Variants in CACNA1C observed in about 807,000 individuals in gnomAD.
CACNA1C encodes the protein voltage-dependent L-type calcium channel subunit alpha-1C.
Under a neutral mutation model 229.0 loss-of-function variants are expected in CACNA1C, and 30 were observed. The ratio of observed to expected loss-of-function variants is 0.13; its 90% CI spans 0.10 to 0.18. CACNA1C has a LOEUF of 0.18. Ranked by LOEUF, CACNA1C falls within the 10% of genes least tolerant of loss-of-function variation. The pLI is 1.00. For missense variants in CACNA1C, 1,658 were observed against 2,845.0 expected, an observed-to-expected ratio of 0.58 and a Z score of 9.49; for synonymous variants, 1,114 against 1,132.5, an observed-to-expected ratio of 0.98 and a Z score of 0.33.
intron 3 of CACNA1C, among the ~76,000 whole-genome samples, chr12:2,197,769 C>T (rs576288665): frequency 2.6e-5 from 4 of 152,256 alleles, no homozygotes; most frequent in East Asian, 1.9e-4. Context: ...ACCAGTAACA[C>T]CAAACTGAAA....
chr12:2,501,730 GTGTGGTTTCCT>G lies in CACNA1C; in HGVS notation c.1114-3110_1114-3100del, dbSNP rs1277068256. Among the ~76,000 whole-genome samples, 3 of 152,312 alleles carry G rather than the reference GTGTGGTTTCCT, an allele frequency of 2.0e-5. No homozygotes were observed. The East Asian group carries it at 5.8e-4, about 29-fold the overall frequency. ...TTTCTTCTCCTGGTGCTGAAGTCTG[GTGTGGTTTCCT>G]TTGCACTGTTGGTTCAGACAGTTAC... On this transcript the variant is annotated intron_variant, in intron 7 of 46. Coordinates refer to ENST00000399655, the MANE Select transcript of CACNA1C (RefSeq NM_000719.7).
At chr12:2,536,396 C>T (rs2099855383) in intron 9 of CACNA1C, among the ~76,000 whole-genome samples, 2 of 152,090 alleles carry the variant, frequency 1.3e-5, no homozygotes, top group Non-Finnish European at 2.9e-5. Flanking sequence ...CCTGGCCTCT[C>T]CGTGATGTGC....
At chr12:2,459,803 A>T (rs545949603) in intron 5 of CACNA1C, among the ~76,000 whole-genome samples, 1 of 152,340 alleles carries the variant, frequency 6.6e-6, no homozygotes, top group African/African-American at 2.4e-5. Context: ...TCCAGATGCC[A>T]GCCAACCAAG....
chr12:2,586,201 A>G (rs910172047), intron 18 of CACNA1C, among the ~76,000 whole-genome samples: 5 of 152,154 alleles, frequency 3.3e-5, no homozygotes, highest in Non-Finnish European at 7.4e-5. Flanking sequence ...TTGTAAAATC[A>G]TCATTAATTT....
At chr12:2,384,205 C>G (rs1308235979) in intron 3 of CACNA1C, among the ~76,000 whole-genome samples, 1 of 152,220 alleles carries the variant, frequency 6.6e-6, no homozygotes, top group Non-Finnish European at 1.5e-5. Flanking sequence ...TGCTCCTTGG[C>G]GGAGAATCGC....
chr12:2,459,167 GT>G (rs1567810205), intron 5 of CACNA1C, among the ~76,000 whole-genome samples: 6 of 100,166 alleles, frequency 6.0e-5, no homozygotes, highest in African/African-American at 1.8e-4. Flanking sequence ...TTTTTTGTGT[GT>G]GTTTTTTTTT....
chr12:2,574,648 G>A (rs939529140), intron 13 of CACNA1C, among the ~76,000 whole-genome samples: 2 of 152,186 alleles, frequency 1.3e-5, no homozygotes, highest in African/African-American at 4.8e-5. Context: ...TCCCAGGCTC[G>A]AAATGTCTCC....
At chr12:2,590,704 T>A (rs981884999) in intron 18 of CACNA1C, among the ~76,000 whole-genome samples, 3 of 152,208 alleles carry the variant, frequency 2.0e-5, no homozygotes, top group African/African-American at 7.2e-5. Context: ...CGTGCAGATG[T>A]AAGAGCCTGC....
At chr12:2,163,481 A>G (rs536659434) in intron 3 of CACNA1C, among the ~76,000 whole-genome samples, 3 of 151,990 alleles carry the variant, frequency 2.0e-5, no homozygotes, top group African/African-American at 7.2e-5. Flanking sequence ...CCACCCTGCT[A>G]TTGATAGCCT....
At chr12:2,615,271 A>G (rs2079875550) in intron 29 of CACNA1C, among the ~76,000 whole-genome samples, 1 of 152,232 alleles carries the variant, frequency 6.6e-6, no homozygotes, top group Non-Finnish European at 1.5e-5. Flanking sequence ...AAATAACTGG[A>G]TAGTCCTATC....
chr12:2,093,619 T>TA (rs1402757507), intron 1 of CACNA1C, among the ~76,000 whole-genome samples: 1 of 152,218 alleles, frequency 6.6e-6, no homozygotes, highest in Admixed American at 6.5e-5. Context: ...CTGAGCCCCT[T>TA]ACCCTGGGCA....
At chr12:2,623,879 G>A (rs1459711225) in intron 29 of CACNA1C, among the ~76,000 whole-genome samples, 2 of 152,178 alleles carry the variant, frequency 1.3e-5, no homozygotes, top group Admixed American at 1.3e-4. Flanking sequence ...CACTCTCTGG[G>A]GTGGTCTGCC....
At chr12:2,474,756 C>CAAAAAAAA in intron 5 of CACNA1C, among the ~76,000 whole-genome samples, 1 of 99,878 alleles carries the variant, frequency 1.0e-5, no homozygotes, top group Non-Finnish European at 2.0e-5. Context: ...AACTCCATCT[C>CAAAAAAAA]AAAAAAAAAA....
chr12:2,508,472 A>G (rs2099776641), intron 8 of CACNA1C, among the ~76,000 whole-genome samples: 1 of 152,222 alleles, frequency 6.6e-6, no homozygotes, highest in South Asian at 2.1e-4. Flanking sequence ...CGACATAGTG[A>G]GACCCTTTCT....
intron 1 of CACNA1C, among the ~76,000 whole-genome samples, chr12:2,089,124 C>T (rs147461600): frequency 3.3e-5 from 5 of 152,154 alleles, no homozygotes; most frequent in African/African-American, 1.2e-4. Context: ...ATTCATGGTT[C>T]GTGCACACGT....
At chr12:2,565,287 T>C (rs955655544) in intron 11 of CACNA1C, among the ~76,000 whole-genome samples, 2 of 150,924 alleles carry the variant, frequency 1.3e-5, no homozygotes, top group Admixed American at 6.6e-5. Flanking sequence ...GCTAACAAGG[T>C]GAAACCCGTC....
intron 37 of CACNA1C, 22 bp from the exon 38 acceptor site, chr12:2,668,911 C>T: frequency 6.4e-7 from 1 of 1,572,362 alleles, no homozygotes; most frequent in Non-Finnish European, 8.8e-7. Context: ...TCATCACCAG[C>T]TTTGCTTCTC....
intron 1 of CACNA1C, among the ~76,000 whole-genome samples, chr12:2,006,213 G>T (rs994427968): frequency 6.6e-6 from 1 of 152,072 alleles, no homozygotes. Flanking sequence ...TTCAAGACCA[G>T]CCTGGCCAAC....
chr12:2,392,008 G>T (rs61046931), intron 3 of CACNA1C, among the ~76,000 whole-genome samples: 9 of 152,258 alleles, frequency 5.9e-5, no homozygotes, highest in African/African-American at 2.2e-4. Context: ...TAAACTCTGC[G>T]TTTCACCATC....
Sources: gnomAD v4.1 joint callset for allele counts (sites outside exome capture counted in the v4.1 genomes callset) on GRCh38, gnomAD v4.1.1 for gene constraint, MANE v1.5 for transcripts, NCBI Gene and HGNC (gene_info 2026-07-23, HGNC 2026-07-21) for gene names.